The following KIAA1328 variants were observed in gnomAD, a reference collection of about 807,000 sequenced individuals.
KIAA1328 encodes the protein protein hinderin.
KIAA1328 carries 52 observed loss-of-function variants against 68.1 expected under a neutral mutation model. That is an observed-to-expected ratio of 0.76 (90% CI 0.61 to 0.96). KIAA1328 has a LOEUF of 0.96. Among genes scored for constraint, KIAA1328 ranks in the 40% least tolerant of loss-of-function variants. The probability of loss-of-function intolerance (pLI) is 0.00; values close to 1 mark genes in which losing one functional copy is unlikely to be tolerated. For synonymous variants in KIAA1328, 232 were observed against 239.4 expected, an observed-to-expected ratio of 0.97 and a Z score of 0.28; for missense variants, 641 against 677.6, an observed-to-expected ratio of 0.95 and a Z score of 0.60.
rs2051661927 is a variant in KIAA1328 at position 36,961,335 on chromosome 18, T to A, written c.576+1900T>A. 2.6e-5 allele frequency among the ~76,000 whole-genome samples: 4 copies of A among 152,190 alleles called. No individual in the cohort carries two copies. The South Asian group carries it at 8.3e-4, about 31-fold the overall frequency. Reference sequence around the variant, plus strand: ...AATATGTGAAAAGACCAAATCTACATTTGGTTGGTGTACCTGAAAGTGTCA... The same window carrying A: ...AATATGTGAAAAGACCAAATCTACAATTGGTTGGTGTACCTGAAAGTGTCA... On this transcript the variant is annotated intron_variant, in intron 6 of 9. Transcript: ENST00000280020.
chr18:37,209,720 A>G (rs1161842422), intron 9 of KIAA1328, among the ~76,000 whole-genome samples: 1 of 152,008 alleles, frequency 6.6e-6, no homozygotes, highest in Non-Finnish European at 1.5e-5. Context: ...TTTTGGCCTG[A>G]GCCACTGGGT....
In KIAA1328 at chr18:37,019,167, AC is replaced by A. The variant is rs1431346950; in HGVS notation, c.577-47717del. Among the ~76,000 whole-genome samples the A allele has an allele frequency of 2.1e-5, 3 of 140,252 alleles. No individual in the cohort carries two copies. In the East Asian group the frequency reaches 6.3e-4, roughly 30 times the overall value. 92.0% of individuals were successfully genotyped at this position (140,252 alleles called of 152,430 possible). A position where few individuals can be genotyped will look rare whatever the true frequency, so the allele number is the denominator to read the frequency against. On this transcript the variant is annotated intron_variant, in intron 6 of 9. Coordinates refer to ENST00000280020, the MANE Select transcript of KIAA1328 (RefSeq NM_020776.3). Reference sequence around the variant, plus strand: ...TACCTTTTCCTGCCCCCTCCTCCCCACCCCCCTCCGAGTGTGACTGTGGAGA... The same window carrying A: ...TACCTTTTCCTGCCCCCTCCTCCCCACCCCCTCCGAGTGTGACTGTGGAGA...
In KIAA1328 at chr18:37,073,979, G is replaced by A. The variant is rs184934229; in HGVS notation, c.1232+6434G>A. Among the ~76,000 whole-genome samples the A allele has an allele frequency of 1.5e-3, 231 of 152,264 alleles. 1 individual carries two copies. The highest frequency in any genetic ancestry group is 2.8e-3 in the Non-Finnish European group (190 of 68,022). ...TTTTCAGTTTATGGTGTGAGATACT[G>A]ATCTTGGTTCTCTAACACCACCCCA... On this transcript the variant is annotated intron_variant, in intron 7 of 9. Transcript: ENST00000280020.
Position 37,071,576 on chromosome 18 carries a change from T to C in KIAA1328, c.1232+4031T>C, listed in dbSNP as rs549132724. 2.0e-4 allele frequency among the ~76,000 whole-genome samples: 30 copies of C among 152,264 alleles called. No homozygotes were observed. The East Asian group carries it at 2.3e-3, about 12-fold the overall frequency. On this transcript the variant is annotated intron_variant, in intron 7 of 9. Coordinates refer to ENST00000280020, the MANE Select transcript of KIAA1328 (RefSeq NM_020776.3). ...TAGGTATTACCAGTATTATAAGTAA[T>C]GTAGAGATGATATAAATTATACCAG...
At chr18:37,119,424 A>C (rs2058210136) in intron 7 of KIAA1328, among the ~76,000 whole-genome samples, 1 of 152,136 alleles carries the variant, frequency 6.6e-6, no homozygotes, top group Non-Finnish European at 1.5e-5. Flanking sequence ...ACAGTTAGGC[A>C]GGTTGGAAGT....
intron 8 of KIAA1328, among the ~76,000 whole-genome samples, chr18:37,165,505 C>A (rs914430947): frequency 3.1e-4 from 47 of 151,654 alleles, no homozygotes; most frequent in Admixed American, 2.8e-3. Context: ...CTGCAGCCTC[C>A]ACCTCCTAGG....
intron 6 of KIAA1328, among the ~76,000 whole-genome samples, chr18:36,993,060 C>CGTAA (rs2053251919): frequency 6.6e-6 from 1 of 151,970 alleles, no homozygotes; most frequent in Non-Finnish European, 1.5e-5. Context: ...GAGCTGAGAT[C>CGTAA]GTAACACTGC....
At chr18:36,954,903 G>A (rs2051342644) in intron 5 of KIAA1328, among the ~76,000 whole-genome samples, 2 of 151,678 alleles carry the variant, frequency 1.3e-5, no homozygotes, top group Admixed American at 1.3e-4. Context: ...ACCATGCCTG[G>A]GCAGGCTGGT....
chr18:37,099,053 G>C (rs1027388645), intron 7 of KIAA1328, among the ~76,000 whole-genome samples: 3 of 151,934 alleles, frequency 2.0e-5, no homozygotes, highest in Non-Finnish European at 4.4e-5. Context: ...TTTTTTGAAG[G>C]GTTTTTTGTG....
chr18:37,224,972 C>T lies in KIAA1328; in HGVS notation c.*2745C>T, dbSNP rs2060621191. 2.0e-6 allele frequency: 2 copies of T among 985,488 alleles called. No homozygotes were observed. The highest frequency in any genetic ancestry group is 9.4e-5 in the South Asian group (2 of 21,282). The allele number at this position is 985,488 out of a possible 1,614,324, so 61.0% of individuals were successfully genotyped here. On this transcript the variant is annotated 3_prime_UTR_variant, in exon 10 of 10. Transcript: ENST00000280020. ...TCATAGAAAAGCTTTTGCTAACAGT[C>T]CGCTTTCCAGGAGGCAAACTTGTGT...
chr18:37,129,751 A>G (rs764893002), intron 7 of KIAA1328, among the ~76,000 whole-genome samples: 1 of 152,206 alleles, frequency 6.6e-6, no homozygotes, highest in African/African-American at 2.4e-5. Flanking sequence ...GAGTTAGTCT[A>G]TAGACAAACA....
chr18:37,076,823 G>C (rs1042771333), intron 7 of KIAA1328, among the ~76,000 whole-genome samples: 1 of 152,036 alleles, frequency 6.6e-6, no homozygotes, highest in Non-Finnish European at 1.5e-5. Flanking sequence ...AACAGGATCT[G>C]AAATTGTGGC....
At chr18:37,036,290 CT>C (rs2055025428) in intron 6 of KIAA1328, among the ~76,000 whole-genome samples, 1 of 152,194 alleles carries the variant, frequency 6.6e-6, no homozygotes, top group Non-Finnish European at 1.5e-5. Context: ...TTGTCCTGAC[CT>C]TCTCTCTGTA....
chr18:37,011,613 AG>A (rs770739143), intron 6 of KIAA1328, among the ~76,000 whole-genome samples: 1 of 152,234 alleles, frequency 6.6e-6, no homozygotes, highest in Non-Finnish European at 1.5e-5. Context: ...CACTAAAAAA[AG>A]GAAATAATTT....
intron 5 of KIAA1328, among the ~76,000 whole-genome samples, chr18:36,943,345 A>T (rs1427418712): frequency 6.6e-6 from 1 of 152,194 alleles, no homozygotes; most frequent in Non-Finnish European, 1.5e-5. Flanking sequence ...CTTGCTCAGC[A>T]TTGATACCTG....
chr18:37,198,112 A>T (rs1378006325), intron 9 of KIAA1328, among the ~76,000 whole-genome samples: 1 of 152,180 alleles, frequency 6.6e-6, no homozygotes. Flanking sequence ...GATTTTATTT[A>T]TATGAAATGT....
At chr18:37,076,040 GCACCA>G (rs2056720123) in intron 7 of KIAA1328, among the ~76,000 whole-genome samples, 1 of 151,888 alleles carries the variant, frequency 6.6e-6, no homozygotes, top group South Asian at 2.1e-4. Flanking sequence ...ATTTTTTTCA[GCACCA>G]CACCACACCT....
intron 5 of KIAA1328, among the ~76,000 whole-genome samples, chr18:36,905,469 G>T (rs2049185858): frequency 6.6e-6 from 1 of 152,030 alleles, no homozygotes; most frequent in Non-Finnish European, 1.5e-5. Context: ...GCATGACTTT[G>T]TATAGTCCAC....
rs574154647 is a variant in KIAA1328, at chr18:37,189,176, A to AT, written c.1523+16097dup. Among the ~76,000 whole-genome samples the AT allele has an allele frequency of 1.1e-4, 16 of 152,322 alleles. No homozygotes were observed. The East Asian group carries it at 2.9e-3, about 28-fold the overall frequency. ...TACTAGGACTGTTTCATTAGCACAG[A>AT]TTATCATAGATTTCTTGATTGTAAC... On this transcript the variant is annotated intron_variant, in intron 9 of 9. Transcript: ENST00000280020.
Sources: gnomAD v4.1 joint callset for allele counts (sites outside exome capture counted in the v4.1 genomes callset) on GRCh38, gnomAD v4.1.1 for gene constraint, MANE v1.5 for transcripts, NCBI Gene and HGNC (gene_info 2026-07-23, HGNC 2026-07-21) for gene names.